Variants in ITGA7 observed in about 807,000 individuals in gnomAD.
The protein encoded by ITGA7 is integrin alpha-7.
In ITGA7, 84 loss-of-function variants were observed where a neutral mutation model predicts 131.6. The observed-to-expected ratio is 0.64, with a 90% CI of 0.54 to 0.77. The LOEUF (loss-of-function observed/expected upper bound fraction) is 0.77, where lower values mean the gene tolerates loss of function less well. Among genes scored for constraint, ITGA7 ranks in the 30% least tolerant of loss-of-function variants. The pLI, the probability that ITGA7 is intolerant of heterozygous loss-of-function variation, is 0.00. For missense variants in ITGA7, 1,399 were observed against 1,482.9 expected, an observed-to-expected ratio of 0.94 and a Z score of 0.93; for synonymous variants, 548 against 600.7, an observed-to-expected ratio of 0.91 and a Z score of 1.28.
At chr12:55,716,094 C>T (rs555408502), upstream of ITGA7, 50 of 1,591,112 alleles carry the variant, frequency 3.1e-5, no homozygotes, top group East Asian at 8.8e-4. Context: ...CTTCCGGAGC[C>T]GGAGGGGGCC....
upstream of ITGA7, among the ~76,000 whole-genome samples, chr12:55,713,262 C>G (rs1876265389): frequency 6.6e-6 from 1 of 152,178 alleles, no homozygotes; most frequent in South Asian, 2.1e-4. Context: ...CTTCCCACTT[C>G]TATTGATTAG....
chr12:55,685,640 A>G (rs765127557), intron 24 of ITGA7, among the ~76,000 whole-genome samples: 6 of 152,174 alleles, frequency 3.9e-5, no homozygotes, highest in Non-Finnish European at 4.4e-5. Flanking sequence ...CAGAACACAA[A>G]CAAGACCTGA....
chr12:55,710,729 C>A (rs1031723420), upstream of ITGA7, among the ~76,000 whole-genome samples: 7 of 152,204 alleles, frequency 4.6e-5, no homozygotes, highest in African/African-American at 1.7e-4. Context: ...TGCCACTGCA[C>A]TCCAGCCTGG....
At chr12:55,689,628 G>A (rs1425304618) in intron 21 of ITGA7, among the ~76,000 whole-genome samples, 2 of 152,194 alleles carry the variant, frequency 1.3e-5, no homozygotes, top group Non-Finnish European at 2.9e-5. Flanking sequence ...ACAGAAGAAT[G>A]GCTTTAAGAG....
In ITGA7 at chr12:55,694,342, G is replaced by A; in HGVS notation, c.2358-12C>T. On this transcript the variant is annotated splice_polypyrimidine_tract_variant and intron_variant, in intron 17 of 24. Transcript: ENST00000257879. The surrounding 1 kb of genome is among the most constrained non-coding windows in gnomAD (Gnocchi z 5.3). ...CCTGCTCACTGATCCTGGTGAGTGG[G>A]CAGGGGCAAGTATGGGCATCAGGCA... 6.2e-7 allele frequency: 1 copy of A among 1,613,666 alleles called. No individual in the cohort carries two copies.
chr12:55,699,068 CA>C, intron 5 of ITGA7, 151 bp from the exon 6 acceptor site: 1 of 716,134 alleles, frequency 1.4e-6, no homozygotes, highest in Non-Finnish European at 2.4e-6. Flanking sequence ...GGTTAAGAGC[CA>C]AAAGATAGGT....
chr12:55,699,772 G>T, intron 5 of ITGA7, 98 bp downstream of exon 5: 1 of 1,414,296 alleles, frequency 7.1e-7, no homozygotes, highest in Non-Finnish European at 9.8e-7. Flanking sequence ...GTGTGTTGGG[G>T]GAGGAGGAGA....
chr12:55,687,484 C>T (rs1256555311), intron 24 of ITGA7, among the ~76,000 whole-genome samples: 4 of 137,902 alleles, frequency 2.9e-5, no homozygotes, highest in South Asian at 2.3e-4. Flanking sequence ...CCACCATGCC[C>T]GGCTTTTTTT....
At chr12:55,701,284 T>C (rs112586792) in intron 3 of ITGA7, 130 bp from the exon 4 acceptor site, 1 of 1,552,754 alleles carries the variant, frequency 6.4e-7, no homozygotes, top group African/African-American at 1.7e-5. Flanking sequence ...CATGCACACA[T>C]ACACACACAC....
intron 7 of ITGA7, 98 bp downstream of exon 7, chr12:55,698,285 C>G: frequency 8.6e-7 from 1 of 1,162,342 alleles, no homozygotes; most frequent in African/African-American, 1.6e-5. Flanking sequence ...GACCCTCTCT[C>G]CCTGAGTCCT....
chr12:55,705,103 A>C (rs983502736), intron 1 of ITGA7, among the ~76,000 whole-genome samples: 8 of 152,198 alleles, frequency 5.3e-5, no homozygotes, highest in African/African-American at 1.4e-4. Context: ...TCCTTGTTCT[A>C]TGTTCACATC....
intron 1 of ITGA7, among the ~76,000 whole-genome samples, chr12:55,704,635 C>A (rs375451829): frequency 3.3e-5 from 5 of 152,212 alleles, no homozygotes; most frequent in African/African-American, 9.7e-5. Context: ...GTCATTTAAT[C>A]ATCAGAACAA....
intron 3 of ITGA7, 107 bp from the exon 4 acceptor site, chr12:55,701,261 A>C: frequency 6.5e-7 from 1 of 1,547,234 alleles, no homozygotes; most frequent in Non-Finnish European, 8.9e-7. Context: ...ATGTGTGCTC[A>C]CATGCACATG....
intron 24 of ITGA7, among the ~76,000 whole-genome samples, chr12:55,686,962 C>A (rs1195435364): frequency 6.6e-6 from 1 of 152,120 alleles, no homozygotes; most frequent in Non-Finnish European, 1.5e-5. Context: ...TGGACCCCAC[C>A]TACCTCATCC....
intron 24 of ITGA7, chr12:55,686,359 A>T: frequency 1.7e-6 from 2 of 1,177,220 alleles, no homozygotes; most frequent in Non-Finnish European, 2.3e-6. Context: ...CAGAGGATGG[A>T]AAGATTGAGG....
At chr12:55,697,382 G>A in intron 10 of ITGA7, 69 bp downstream of exon 10, 1 of 1,587,692 alleles carries the variant, frequency 6.3e-7, no homozygotes, top group Non-Finnish European at 8.6e-7. Flanking sequence ...CCCAAACTGG[G>A]GAGATAAAGG....
upstream of ITGA7, among the ~76,000 whole-genome samples, chr12:55,711,595 C>CTTCA (rs1327855939): frequency 4.6e-5 from 7 of 151,910 alleles, no homozygotes; most frequent in African/African-American, 1.7e-4. Context: ...ATACACTGTA[C>CTTCA]TTCAGCCTGG....
rs1203182314 is a variant in ITGA7, at chr12:55,692,875, G to C, written c.2813C>G (p.Ser938Cys). The C allele has an allele frequency of 1.2e-6, 2 of 1,613,726 alleles. No homozygotes were observed. Among genetic ancestry groups the C allele is most frequent in the Non-Finnish European group, 1.7e-6 (2 of 1,179,928 alleles). Residue 938 changes from serine (S) to cysteine (C), a missense_variant, in exon 21 of 25, where the codon TCC (serine) becomes TGC (cysteine). Transcript: ENST00000257879. ...GATGTTTTTCTTCTTCTCAGCAGAG[G>C]ACACTGGCCACCAGGACATGCTGGG... Reference protein sequence around the residue: ...QEPSMSWWPVSSAEKKKNITL... With the variant: ...QEPSMSWWPVCSAEKKKNITL...
upstream of ITGA7, among the ~76,000 whole-genome samples, chr12:55,715,629 A>G (rs1876456862): frequency 6.6e-6 from 1 of 152,148 alleles, no homozygotes; most frequent in Non-Finnish European, 1.5e-5. Context: ...GATCACCCAG[A>G]GCTGAGAGAC....
Sources: allele counts gnomAD v4.1 joint callset (sites outside exome capture counted in the v4.1 genomes callset), GRCh38; gene constraint gnomAD v4.1.1; non-coding constraint Gnocchi (gnomAD v3.1); transcripts MANE v1.5; gene names NCBI Gene and HGNC (gene_info 2026-07-23, HGNC 2026-07-21).